CATSPERB: variants seen among roughly 807,000 people sequenced by gnomAD.
CATSPERB encodes the protein catsper channel auxiliary subunit beta, also known as cation channel sperm-associated auxiliary subunit beta.
A neutral mutation model predicts 128.3 loss-of-function variants in CATSPERB; 93 were observed. That is an observed-to-expected ratio of 0.72 (90% CI 0.61 to 0.86). The LOEUF is 0.86. CATSPERB is among the 40% of genes least tolerant of loss of function. The pLI, the probability that CATSPERB is intolerant of heterozygous loss-of-function variation, is 0.00. For missense variants in CATSPERB, 1,153 were observed against 1,329.5 expected, an observed-to-expected ratio of 0.87 and a Z score of 2.06; for synonymous variants, 381 against 448.8, an observed-to-expected ratio of 0.85 and a Z score of 1.91.
chr14:91,688,396 T>C (rs934889360), intron 10 of CATSPERB, among the ~76,000 whole-genome samples: 27 of 152,238 alleles, frequency 1.8e-4, no homozygotes, highest in Non-Finnish European at 1.0e-4. Flanking sequence ...CTGAGGAATA[T>C]ATTCCTTGGA....
chr14:91,625,818 T>C (rs781077580), intron 17 of CATSPERB, among the ~76,000 whole-genome samples: 60 of 152,296 alleles, frequency 3.9e-4, no homozygotes, highest in Non-Finnish European at 7.1e-4. Flanking sequence ...ACACAGATCT[T>C]ACAATCATCA....
intron 26 of CATSPERB, among the ~76,000 whole-genome samples, chr14:91,581,754 G>A (rs1743180): frequency 0.5 from 75,923 of 152,046 alleles, 19,306 homozygotes; most frequent in Admixed American, 0.62. Flanking sequence ...GGCAAGGGTG[G>A]GGTCATTGTA....
intron 10 of CATSPERB, among the ~76,000 whole-genome samples, chr14:91,688,668 A>G (rs947090440): frequency 1.3e-5 from 2 of 152,208 alleles, no homozygotes; most frequent in African/African-American, 4.8e-5. Context: ...TTGATTTTCC[A>G]TGCCACTACT....
intron 22 of CATSPERB, among the ~76,000 whole-genome samples, chr14:91,601,780 T>C (rs1419102589): frequency 1.3e-5 from 2 of 152,056 alleles, no homozygotes; most frequent in East Asian, 3.8e-4. Flanking sequence ...AGGTATTTTT[T>C]CCCCAAAAAT....
chr14:91,650,611 GGTTT>G (rs1316479206), intron 15 of CATSPERB, among the ~76,000 whole-genome samples: 5 of 151,852 alleles, frequency 3.3e-5, no homozygotes, highest in African/African-American at 1.2e-4. Context: ...TTTTAGTGTT[GGTTT>G]GTTTTGCTTT....
chr14:91,610,372 GT>G (rs1028016859), intron 21 of CATSPERB, 107 bp downstream of exon 21: 5 of 793,176 alleles, frequency 6.3e-6, no homozygotes, highest in Non-Finnish European at 1.0e-5. Context: ...ACTGTGAAGT[GT>G]TTTGAGCCAC....
intron 16 of CATSPERB, among the ~76,000 whole-genome samples, chr14:91,638,718 G>A (rs1166654033): frequency 1.3e-5 from 2 of 152,156 alleles, no homozygotes; most frequent in Non-Finnish European, 1.5e-5. Flanking sequence ...CATGGCGCCT[G>A]GCCTCACAAC....
Position 91,636,557 on chromosome 14 carries a change from G to A in CATSPERB, c.1610C>T (p.Thr537Ile). Residue 537 changes from threonine (T) to isoleucine (I), a missense_variant, in exon 17 of 27, where the codon ACT becomes ATT. Transcript: ENST00000256343. ...FGQPPDMGFE[T>I]ALAPQHTSLD... ...GGAGGTGTGCTGTGGGGCAAGCGCAGTCTCAAAGCCCATATCTGGAGGCTG... is the reference window on the plus strand; with the variant it reads ...GGAGGTGTGCTGTGGGGCAAGCGCAATCTCAAAGCCCATATCTGGAGGCTG... The A allele has an allele frequency of 1.2e-6, 2 of 1,613,770 alleles. No individual in the cohort carries two copies. Among genetic ancestry groups the A allele is most frequent in the South Asian group, 1.1e-5 (1 of 91,040 alleles).
chr14:91,715,331 G>A (rs1317441431), intron 5 of CATSPERB, among the ~76,000 whole-genome samples: 3 of 152,116 alleles, frequency 2.0e-5, no homozygotes, highest in East Asian at 3.9e-4. Context: ...GGAGGCCGAG[G>A]TGGGTGGATC....
At chr14:91,677,576 G>A (rs908551256) in intron 11 of CATSPERB, among the ~76,000 whole-genome samples, 3 of 152,248 alleles carry the variant, frequency 2.0e-5, no homozygotes, top group Non-Finnish European at 2.9e-5. Context: ...TGGCAAGGCT[G>A]TGGAGAAATA....
chr14:91,697,907 C>T (rs1252251585), intron 7 of CATSPERB, among the ~76,000 whole-genome samples: 1 of 152,046 alleles, frequency 6.6e-6, no homozygotes, highest in Non-Finnish European at 1.5e-5. Context: ...TTTTCTAATT[C>T]TGTGAAAAAT....
intron 26 of CATSPERB, among the ~76,000 whole-genome samples, chr14:91,584,276 C>T (rs1370905765): frequency 3.9e-5 from 6 of 151,996 alleles, no homozygotes; most frequent in Non-Finnish European, 8.8e-5. Context: ...ACCATGTTGG[C>T]CAGGCTGGTC....
intron 10 of CATSPERB, among the ~76,000 whole-genome samples, chr14:91,686,282 G>A (rs1328594432): frequency 6.6e-6 from 1 of 152,132 alleles, no homozygotes; most frequent in East Asian, 1.9e-4. Context: ...TGAAAGTAGG[G>A]ACTTTGTCTC....
chr14:91,728,601 G>A (rs760365299), intron 2 of CATSPERB, among the ~76,000 whole-genome samples: 3 of 152,232 alleles, frequency 2.0e-5, no homozygotes, highest in Non-Finnish European at 2.9e-5. Context: ...TTCCCTCCAC[G>A]GACTGCTTTG....
intron 23 of CATSPERB, among the ~76,000 whole-genome samples, chr14:91,590,691 C>T (rs560417199): frequency 3.7e-4 from 55 of 149,682 alleles, no homozygotes; most frequent in African/African-American, 1.3e-3. Context: ...CTTGCTCTGT[C>T]GCCCAGGCTA....
Position 91,597,990 on chromosome 14 carries a change from G to GT in CATSPERB, c.2710-5989dup, listed in dbSNP as rs748032210. On this transcript the variant is annotated intron_variant, in intron 22 of 26. Coordinates refer to ENST00000256343, the MANE Select transcript of CATSPERB (RefSeq NM_024764.4). ...ACAACTTGATTATATAAAAGTTTTTGTTTTTTTTTTTAAATATATAAATCC... is the reference window on the plus strand; with the variant it reads ...ACAACTTGATTATATAAAAGTTTTTGTTTTTTTTTTTTAAATATATAAATCC... Among the ~76,000 whole-genome samples the GT allele has an allele frequency of 2.0e-3, 284 of 144,162 alleles. 8 individuals carry two copies. In the East Asian group the frequency reaches 0.036, roughly 18 times the overall value. The allele number at this position is 144,162 out of a possible 152,430, so 94.6% of individuals were successfully genotyped here.
At chr14:91,719,042 A>G (rs1054143765) in intron 5 of CATSPERB, among the ~76,000 whole-genome samples, 4 of 152,218 alleles carry the variant, frequency 2.6e-5, no homozygotes, top group African/African-American at 9.6e-5. Context: ...TAGATTCCAT[A>G]ATAAAATAAC....
intron 5 of CATSPERB, among the ~76,000 whole-genome samples, chr14:91,715,723 A>G (rs1199652735): frequency 6.6e-6 from 1 of 152,166 alleles, no homozygotes; most frequent in Non-Finnish European, 1.5e-5. Context: ...CAATTTTGAA[A>G]AAGAAGATCA....
At chr14:91,680,352 A>G (rs1895259346) in intron 11 of CATSPERB, among the ~76,000 whole-genome samples, 1 of 152,202 alleles carries the variant, frequency 6.6e-6, no homozygotes, top group African/African-American at 2.4e-5. Context: ...TGAGGCATAA[A>G]CTTAGTTCAG....
Sources: allele counts gnomAD v4.1 joint callset (sites outside exome capture counted in the v4.1 genomes callset), GRCh38; gene constraint gnomAD v4.1.1; transcripts MANE v1.5; gene names NCBI Gene and HGNC (gene_info 2026-07-23, HGNC 2026-07-21).